Variants in STARD13 observed in about 807,000 individuals in gnomAD.
STARD13 encodes stAR-related lipid transfer protein 13.
STARD13 carries 62 observed loss-of-function variants against 106.4 expected under a neutral mutation model. The ratio of observed to expected loss-of-function variants is 0.58; its 90% CI spans 0.48 to 0.72. STARD13 has a LOEUF of 0.72. Among genes scored for constraint, STARD13 ranks in the 30% least tolerant of loss-of-function variants. The pLI, the probability that STARD13 is intolerant of heterozygous loss-of-function variation, is 0.00. For synonymous variants in STARD13, 565 were observed against 553.0 expected (o/e 1.02, Z -0.31); for missense variants, 1,387 against 1,424.0 (o/e 0.97, Z 0.42).
intron 1 of STARD13, among the ~76,000 whole-genome samples, chr13:33,219,771 C>T (rs1260335091): frequency 6.9e-6 from 1 of 144,744 alleles, no homozygotes; most frequent in Non-Finnish European, 1.5e-5. Context: ...CCACTGTACT[C>T]CACCATGGGC....
intron 4 of STARD13, among the ~76,000 whole-genome samples, chr13:33,136,631 A>G (rs1879091558): frequency 6.6e-6 from 1 of 152,194 alleles, no homozygotes; most frequent in Non-Finnish European, 1.5e-5. Flanking sequence ...TAAACCAATC[A>G]GCAGGCACTC....
chr13:33,139,951 A>G (rs2244824), intron 4 of STARD13, among the ~76,000 whole-genome samples: 129,232 of 152,152 alleles, frequency 0.85, 55,313 homozygotes, highest in African/African-American at 0.96. Flanking sequence ...TTCAGGCCAT[A>G]ACTCTCCAAT....
chr13:33,288,322 T>C (rs1157423203), upstream of STARD13, among the ~76,000 whole-genome samples: 1 of 152,044 alleles, frequency 6.6e-6, no homozygotes, highest in Non-Finnish European at 1.5e-5. Context: ...CCAGGCTGGA[T>C]TGCAGTGGCG....
chr13:33,649,916 T>C, the STARD13 span, among the ~76,000 whole-genome samples: 2 of 152,146 alleles, frequency 1.3e-5, no homozygotes, highest in Non-Finnish European at 2.9e-5. Context: ...TGAAATATAG[T>C]TTGTCTAAGG....
At chr13:33,617,755 C>G in the STARD13 span, among the ~76,000 whole-genome samples, 1 of 152,162 alleles carries the variant, frequency 6.6e-6, no homozygotes, top group Non-Finnish European at 1.5e-5. Flanking sequence ...GGACCAAGCA[C>G]TGGTATAGGG....
At chr13:33,252,207 A>G (rs1249158920) in intron 1 of STARD13, among the ~76,000 whole-genome samples, 1 of 152,158 alleles carries the variant, frequency 6.6e-6, no homozygotes, top group Non-Finnish European at 1.5e-5. Context: ...GCTGCCCTTT[A>G]TTTGGAACTC....
chr13:33,648,453 CT>C, the STARD13 span, among the ~76,000 whole-genome samples: 14 of 152,182 alleles, frequency 9.2e-5, no homozygotes, highest in East Asian at 7.7e-4. Flanking sequence ...AGTTACTTTA[CT>C]TTTTTTCGTG....
At chr13:33,149,492 C>T (rs1193610956) in intron 3 of STARD13, among the ~76,000 whole-genome samples, 1 of 152,152 alleles carries the variant, frequency 6.6e-6, no homozygotes, top group African/African-American at 2.4e-5. Flanking sequence ...GGTTTACTTG[C>T]TCATTAGTTG....
the STARD13 span, among the ~76,000 whole-genome samples, chr13:33,487,668 C>T: frequency 2.0e-5 from 3 of 152,128 alleles, no homozygotes; most frequent in Admixed American, 6.6e-5. Context: ...AAAGTGTTAA[C>T]CTTGGTCTAT....
At position 33,129,368 on chromosome 13, in the gene STARD13, G is replaced by T. The variant is rs1350629016; in HGVS notation, c.1309C>A (p.Gln437Lys). ...CGGGGCTCCCTGGCACCAGGGACCT[G>T]CTCTCTGCCCAGGGAGATGCTACCG... ...RTGSISLGRE[Q>K]VPGAREPRLM... Residue 437 changes from glutamine to lysine, a missense_variant, in exon 5 of 14, where the codon CAG becomes AAG. Gln to Lys is a moderately conservative substitution (Grantham distance 53). Coordinates refer to ENST00000336934, the MANE Select transcript of STARD13 (RefSeq NM_178006.4). The T allele has an allele frequency of 1.9e-6, 3 of 1,614,064 alleles. No individual in the cohort carries two copies. The highest frequency in any genetic ancestry group is 2.5e-6 in the Non-Finnish European group (3 of 1,180,044).
chr13:33,350,289 C>T lies in STARD13; in HGVS notation c.124+1G>A. 2 of 1,531,056 alleles carry T rather than the reference C, an allele frequency of 1.3e-6. No homozygotes were observed. The highest frequency in any genetic ancestry group is 1.7e-6 in the Non-Finnish European group (2 of 1,144,656). The allele number at this position is 1,531,056 out of a possible 1,614,324, so 94.8% of individuals were successfully genotyped here. The stretch of plus-strand genomic sequence containing the variant: ...GGTCGCGGCGTCTCCGGGGCACTGA[C>T]CTGCCAGCCGCCTCTCCCGGACGTT... On this transcript the variant is annotated splice_donor_variant, in intron 1 of 1. Transcript: ENST00000439831. LOFTEE classifies it high-confidence loss of function.
chr13:33,504,119 G>A, the STARD13 span, among the ~76,000 whole-genome samples: 6 of 152,222 alleles, frequency 3.9e-5, no homozygotes, highest in East Asian at 1.9e-4. Flanking sequence ...GTGCTGGAGC[G>A]GATGTGGAGA....
chr13:33,604,954 A>T, the STARD13 span, among the ~76,000 whole-genome samples: 1 of 152,102 alleles, frequency 6.6e-6, no homozygotes, highest in African/African-American at 2.4e-5. Context: ...AAGACATACC[A>T]AATTTGGCTG....
the STARD13 span, among the ~76,000 whole-genome samples, chr13:33,650,233 CA>C: frequency 7.7e-5 from 9 of 116,472 alleles, no homozygotes; most frequent in African/African-American, 3.3e-4. Flanking sequence ...CTCTGTCACC[CA>C]GCCTGGAGTG....
chr13:33,493,962 C>A, the STARD13 span, among the ~76,000 whole-genome samples: 2 of 152,154 alleles, frequency 1.3e-5, no homozygotes, highest in Non-Finnish European at 1.5e-5. Context: ...CGACTTGGTG[C>A]GGGTTTCTCA....
the STARD13 span, among the ~76,000 whole-genome samples, chr13:33,612,533 C>A: frequency 6.6e-6 from 1 of 152,124 alleles, no homozygotes; most frequent in Non-Finnish European, 1.5e-5. Flanking sequence ...TCATCCACAC[C>A]TTGTTGCAAA....
chr13:33,430,004 G>T, the STARD13 span, among the ~76,000 whole-genome samples: 1 of 150,722 alleles, frequency 6.6e-6, no homozygotes, highest in African/African-American at 2.5e-5. Context: ...TGCAAGCTCC[G>T]CCTCCCAGGT....
At chr13:33,229,954 G>A (rs1888828100) in intron 1 of STARD13, among the ~76,000 whole-genome samples, 1 of 152,184 alleles carries the variant, frequency 6.6e-6, no homozygotes, top group Non-Finnish European at 1.5e-5. Flanking sequence ...TGCCAGAAAT[G>A]GAGCAGAGAC....
At chr13:33,383,186 C>T in the STARD13 span, among the ~76,000 whole-genome samples, 6 of 152,174 alleles carry the variant, frequency 3.9e-5, no homozygotes, top group Non-Finnish European at 8.8e-5. Context: ...ACATGGGTAG[C>T]GTATGCTTCC....
Sources: allele counts gnomAD v4.1 joint callset (sites outside exome capture counted in the v4.1 genomes callset), GRCh38; gene constraint gnomAD v4.1.1; transcripts MANE v1.5; gene names NCBI Gene and HGNC (gene_info 2026-07-23, HGNC 2026-07-21).